The following SLC44A5 variants were observed in gnomAD, a reference collection of about 807,000 sequenced individuals.
The protein encoded by SLC44A5 is solute carrier family 44 member 5, also known as choline transporter-like protein 5.
In SLC44A5, 57 loss-of-function variants were observed where a neutral mutation model predicts 101.8. The observed-to-expected ratio is 0.56, with a 90% CI of 0.45 to 0.70. The LOEUF (loss-of-function observed/expected upper bound fraction) is 0.70. Ranked by LOEUF, SLC44A5 falls within the 30% of genes least tolerant of loss-of-function variation. The pLI is 0.00. For synonymous variants in SLC44A5, 281 were observed against 290.9 expected (o/e 0.97, Z 0.35); for missense variants, 737 against 853.1 (o/e 0.86, Z 1.70).
intron 5 of SLC44A5, among the ~76,000 whole-genome samples, chr1:75,287,213 T>G (rs773386471): frequency 2.6e-5 from 4 of 152,032 alleles, no homozygotes; most frequent in Non-Finnish European, 5.9e-5. Flanking sequence ...TTTCTTCTAC[T>G]TTTTCAATTC....
At chr1:75,557,612 C>G (rs1317624254) in intron 1 of SLC44A5, among the ~76,000 whole-genome samples, 1 of 151,968 alleles carries the variant, frequency 6.6e-6, no homozygotes, top group Non-Finnish European at 1.5e-5. Flanking sequence ...GTTTTTAAAA[C>G]AGAAAACAAA....
At chr1:75,680,131 A>G in the SLC44A5 span, among the ~76,000 whole-genome samples, 1 of 152,204 alleles carries the variant, frequency 6.6e-6, no homozygotes, top group Non-Finnish European at 1.5e-5. Context: ...AGTGACCTAC[A>G]AAGAGACTTA....
chr1:75,506,698 AC>A (rs1290014316), intron 2 of SLC44A5, among the ~76,000 whole-genome samples: 1 of 151,984 alleles, frequency 6.6e-6, no homozygotes, highest in Admixed American at 6.6e-5. Context: ...TTGTATGCTG[AC>A]ACTTTACTGA....
the SLC44A5 span, among the ~76,000 whole-genome samples, chr1:75,654,664 A>C: frequency 6.6e-6 from 1 of 152,164 alleles, no homozygotes. Context: ...TCTATTGAAA[A>C]TCTAACCCTG....
At chr1:75,206,474 G>A in intron 23 of SLC44A5, 1 of 625,678 alleles carries the variant, frequency 1.6e-6, no homozygotes, top group Non-Finnish European at 2.8e-6. Flanking sequence ...GACACCTCAG[G>A]TAGTACCAGG....
At chr1:75,291,021 A>T (rs2100822449) in intron 5 of SLC44A5, among the ~76,000 whole-genome samples, 1 of 152,342 alleles carries the variant, frequency 6.6e-6, no homozygotes, top group Non-Finnish European at 1.5e-5. Context: ...TGCAGAAAAT[A>T]GACACAGAAT....
At chr1:75,263,606 T>G (rs1466466421) in intron 6 of SLC44A5, among the ~76,000 whole-genome samples, 1 of 152,120 alleles carries the variant, frequency 6.6e-6, no homozygotes, top group Admixed American at 6.5e-5. Flanking sequence ...GAAATACCAT[T>G]TGACCCAGCA....
chr1:75,322,051 C>T (rs114233337), intron 4 of SLC44A5, among the ~76,000 whole-genome samples: 2,913 of 152,218 alleles, frequency 0.019, 90 homozygotes, highest in Middle Eastern at 0.065. Context: ...TGGTGGCTCA[C>T]GTCTGGAATT....
chr1:75,567,790 G>A (rs1672867151), intron 1 of SLC44A5, among the ~76,000 whole-genome samples: 2 of 152,276 alleles, frequency 1.3e-5, no homozygotes, highest in South Asian at 2.1e-4. Context: ...GGCCAGTTAC[G>A]AGATTATTTA....
intron 2 of SLC44A5, among the ~76,000 whole-genome samples, chr1:75,495,482 CA>C: frequency 6.6e-6 from 1 of 151,534 alleles, no homozygotes; most frequent in South Asian, 2.1e-4. Flanking sequence ...AACAAAAAGT[CA>C]TAAAGATGCT....
chr1:75,603,481 T>C (rs973640316), intron 1 of SLC44A5, among the ~76,000 whole-genome samples: 2 of 151,932 alleles, frequency 1.3e-5, no homozygotes, highest in African/African-American at 2.4e-5. Flanking sequence ...TAATTTGTTT[T>C]TTGAGGATAT....
intron 3 of SLC44A5, among the ~76,000 whole-genome samples, chr1:75,376,201 C>G (rs1036435978): frequency 1.3e-5 from 2 of 152,220 alleles, no homozygotes; most frequent in East Asian, 3.9e-4. Context: ...CATGGAGTCT[C>G]GCTGATTGCT....
chr1:75,533,199 T>G (rs1670816131), intron 2 of SLC44A5, among the ~76,000 whole-genome samples: 1 of 152,212 alleles, frequency 6.6e-6, no homozygotes, highest in Non-Finnish European at 1.5e-5. Flanking sequence ...CTACATTGTT[T>G]ACTATCTGTG....
the SLC44A5 span, among the ~76,000 whole-genome samples, chr1:75,628,020 T>G: frequency 6.6e-6 from 1 of 151,124 alleles, no homozygotes; most frequent in African/African-American, 2.4e-5. Flanking sequence ...CGTGGCGAAA[T>G]AAATGACTAG....
intron 2 of SLC44A5, among the ~76,000 whole-genome samples, chr1:75,527,848 G>T (rs996023234): frequency 6.6e-6 from 1 of 152,078 alleles, no homozygotes; most frequent in African/African-American, 2.4e-5. Context: ...TCACATATAC[G>T]ATTGCAGCAC....
At chr1:75,306,168 C>A (rs1654882138) in intron 4 of SLC44A5, among the ~76,000 whole-genome samples, 1 of 152,204 alleles carries the variant, frequency 6.6e-6, no homozygotes, top group Non-Finnish European at 1.5e-5. Context: ...AGGCTACTTT[C>A]TTTTGCTACA....
the SLC44A5 span, among the ~76,000 whole-genome samples, chr1:75,657,297 C>T: frequency 2.0e-5 from 3 of 152,038 alleles, no homozygotes; most frequent in Non-Finnish European, 4.4e-5. Flanking sequence ...ACATGTAATA[C>T]CAGCACTTTT....
chr1:75,681,725 C>T, the SLC44A5 span, among the ~76,000 whole-genome samples: 38,214 of 148,100 alleles, frequency 0.26, 5,217 homozygotes, highest in Middle Eastern at 0.36. Context: ...TCTCACCACT[C>T]CTATTCAACA....
At chr1:75,366,583 G>T (rs748027295) in intron 3 of SLC44A5, among the ~76,000 whole-genome samples, 1 of 151,976 alleles carries the variant, frequency 6.6e-6, no homozygotes, top group Non-Finnish European at 1.5e-5. Context: ...GATTTGGGAC[G>T]TTTTCAGCCA....
Sources: gnomAD v4.1 joint callset for allele counts (sites outside exome capture counted in the v4.1 genomes callset) on GRCh38, gnomAD v4.1.1 for gene constraint, MANE v1.5 for transcripts, NCBI Gene and HGNC (gene_info 2026-07-23, HGNC 2026-07-21) for gene names.